TMEM163: variants seen among roughly 807,000 people sequenced by gnomAD.
The protein encoded by TMEM163 is transmembrane protein 163.
Under a neutral mutation model 29.3 loss-of-function variants are expected in TMEM163, and 17 were observed. The ratio of observed to expected loss-of-function variants is 0.58; its 90% confidence interval spans 0.40 to 0.87. The LOEUF (loss-of-function observed/expected upper bound fraction) is 0.87, where lower values mean the gene tolerates loss of function less well. TMEM163 is among the 40% of genes least tolerant of loss of function. The pLI, the probability that TMEM163 is intolerant of heterozygous loss-of-function variation, is 0.00. For synonymous variants in TMEM163, 157 were observed against 160.6 expected (o/e 0.98, Z 0.17); for missense variants, 303 against 381.5 (o/e 0.79, Z 1.71).
intron 1 of TMEM163, 155 bp from the exon 2 acceptor site, chr2:134,713,474 A>T: frequency 8.9e-7 from 1 of 1,117,686 alleles, no homozygotes; most frequent in South Asian, 1.3e-5. Flanking sequence ...ATTAGATTTC[A>T]CATGAAAATC....
Position 134,502,921 on chromosome 2 carries a change from T to TTC in TMEM163, c.534_535insGA (p.Thr179GlufsTer18). ...CTTACCACTTCTGGGAGCAGCCTAG[T>TTC]TGAGAGGTCATGGATGGCTTTGACC... is the stretch of plus-strand genomic sequence containing the variant. On this transcript the variant is annotated frameshift_variant, in exon 5 of 8. Transcript: ENST00000281924. LOFTEE classifies it high-confidence loss of function. 3 of 1,613,882 alleles carry TTC rather than the reference T, an allele frequency of 1.9e-6. No individual in the cohort carries two copies. In the South Asian group the frequency reaches 3.3e-5, roughly 18 times the overall value.
chr2:134,457,206 T>C (rs1005370840), intron 7 of TMEM163, among the ~76,000 whole-genome samples: 1 of 152,218 alleles, frequency 6.6e-6, no homozygotes, highest in Admixed American at 6.5e-5. Context: ...GACAATTGTG[T>C]TGCTTCTGCG....
chr2:134,593,563 C>T (rs1161682939), intron 2 of TMEM163, among the ~76,000 whole-genome samples: 1 of 152,106 alleles, frequency 6.6e-6, no homozygotes, highest in Non-Finnish European at 1.5e-5. Context: ...GATGAAAAGC[C>T]TTCTATGTTC....
chr2:134,571,742 A>G (rs1427926059), intron 2 of TMEM163, among the ~76,000 whole-genome samples: 1 of 152,238 alleles, frequency 6.6e-6, no homozygotes, highest in African/African-American at 2.4e-5. Context: ...CACAGAAGGC[A>G]TATTTAATTC....
intron 5 of TMEM163, among the ~76,000 whole-genome samples, chr2:134,501,347 T>C (rs1457976548): frequency 6.6e-6 from 1 of 152,156 alleles, no homozygotes; most frequent in African/African-American, 2.4e-5. Flanking sequence ...AATAACAGAT[T>C]GCTCCCAGTT....
chr2:134,699,707 G>A (rs1684655800), intron 2 of TMEM163, among the ~76,000 whole-genome samples: 1 of 152,002 alleles, frequency 6.6e-6, no homozygotes, highest in African/African-American at 2.4e-5. Flanking sequence ...AGTAAAAGAG[G>A]TGCATTAAAG....
At position 134,679,693 on chromosome 2, in the gene TMEM163, C is replaced by T. The variant is rs376667365; in HGVS notation, c.322+33507G>A. On this transcript the variant is annotated intron_variant, in intron 2 of 7. Coordinates refer to ENST00000281924, the MANE Select transcript of TMEM163 (RefSeq NM_030923.5). Reference sequence around the variant, plus strand: ...AGGACTTAAGATAGGGATAACTAAACCCATTCTACAAATGACCAAAGAGAC... The same window carrying T: ...AGGACTTAAGATAGGGATAACTAAATCCATTCTACAAATGACCAAAGAGAC... Among the ~76,000 whole-genome samples, 57 of 152,338 alleles carry T rather than the reference C, an allele frequency of 3.7e-4. No individual in the cohort carries two copies. In the East Asian group the frequency reaches 6.9e-3, roughly 19 times the overall value.
intron 2 of TMEM163, among the ~76,000 whole-genome samples, chr2:134,566,774 G>A (rs902226677): frequency 1.3e-5 from 2 of 152,134 alleles, no homozygotes; most frequent in Admixed American, 1.3e-4. Flanking sequence ...ACATACAGGA[G>A]TGTTTATTAC....
chr2:134,633,010 G>A (rs139551420), intron 2 of TMEM163, among the ~76,000 whole-genome samples: 6,812 of 150,142 alleles, frequency 0.045, 517 homozygotes, highest in African/African-American at 0.16. Context: ...CGCCTGCCTC[G>A]GCCTCCCAAA....
rs188256295 is a variant in TMEM163 at position 134,516,557 on chromosome 2, T to A, written c.459-13560A>T. On this transcript the variant is annotated intron_variant, in intron 4 of 7. Coordinates refer to ENST00000281924, the MANE Select transcript of TMEM163 (RefSeq NM_030923.5). ...GCCTGGGCAACAGAACAAGACCCTG[T>A]CTCAAAAATAAATAAATATATATAT... Among the ~76,000 whole-genome samples the A allele has an allele frequency of 3.4e-3, 507 of 150,590 alleles. 8 individuals are homozygous for A. The highest frequency in any genetic ancestry group is 0.012 in the African/African-American group (483 of 41,076).
chr2:134,715,780 A>G (rs1685025960), intron 1 of TMEM163, among the ~76,000 whole-genome samples: 1 of 152,232 alleles, frequency 6.6e-6, no homozygotes, highest in Non-Finnish European at 1.5e-5. Flanking sequence ...AGCCAGGCTG[A>G]AGAGACAGGA....
intron 2 of TMEM163, among the ~76,000 whole-genome samples, chr2:134,617,044 G>A (rs1010848847): frequency 7.9e-5 from 12 of 152,078 alleles, no homozygotes; most frequent in African/African-American, 2.7e-4. Flanking sequence ...ATAAAAGACT[G>A]TATGAACATA....
At chr2:134,672,827 T>A (rs1474000604) in intron 2 of TMEM163, among the ~76,000 whole-genome samples, 1 of 152,040 alleles carries the variant, frequency 6.6e-6, no homozygotes, top group South Asian at 2.1e-4. Context: ...ATCATCCAAG[T>A]TCCATCAATT....
chr2:134,665,774 G>A (rs779575067), intron 2 of TMEM163, among the ~76,000 whole-genome samples: 6 of 152,030 alleles, frequency 3.9e-5, no homozygotes, highest in Non-Finnish European at 7.4e-5. Context: ...CAGCCTCTCC[G>A]GACCTCAGCA....
At chr2:134,684,506 T>C (rs1458385092) in intron 2 of TMEM163, among the ~76,000 whole-genome samples, 2 of 152,106 alleles carry the variant, frequency 1.3e-5, no homozygotes, top group East Asian at 1.9e-4. Flanking sequence ...GGGAACCCCA[T>C]GAGCAAGGGG....
rs1015773716 is a variant in TMEM163, at chr2:134,455,894, C to T, written c.*822G>A. 11 of 152,524 alleles carry T rather than the reference C, an allele frequency of 7.2e-5. No homozygotes were observed. 9.4% of individuals were successfully genotyped at this position (152,524 alleles called of 1,614,324 possible). A position where few individuals can be genotyped will look rare whatever the true frequency, so the allele number is the denominator to read the frequency against. On this transcript the variant is annotated 3_prime_UTR_variant, in exon 8 of 8. Coordinates refer to ENST00000281924, the MANE Select transcript of TMEM163 (RefSeq NM_030923.5). The stretch of plus-strand genomic sequence containing the variant: ...AACCTACCGTGACATCAGCTGAGAA[C>T]GTCTTGTTCCTTACAGAGGGAGCGA...
chr2:134,640,645 A>G (rs942418474), intron 2 of TMEM163, among the ~76,000 whole-genome samples: 2 of 152,172 alleles, frequency 1.3e-5, no homozygotes, highest in African/African-American at 4.8e-5. Flanking sequence ...ACCCACGGGA[A>G]AAGACACGCC....
chr2:134,582,412 G>A (rs1438732815), intron 2 of TMEM163, among the ~76,000 whole-genome samples: 2 of 152,188 alleles, frequency 1.3e-5, no homozygotes, highest in African/African-American at 4.8e-5. Context: ...TTTGCAAGAG[G>A]TTGCAGTTCT....
At chr2:134,552,861 T>C (rs1480646920) in intron 2 of TMEM163, among the ~76,000 whole-genome samples, 2 of 151,826 alleles carry the variant, frequency 1.3e-5, no homozygotes, top group African/African-American at 2.4e-5. Flanking sequence ...GGTTTTTCCA[T>C]GTTGGCCAGG....
Sources: allele counts gnomAD v4.1 joint callset (sites outside exome capture counted in the v4.1 genomes callset), GRCh38; gene constraint gnomAD v4.1.1; transcripts MANE v1.5; gene names NCBI Gene and HGNC (gene_info 2026-07-23, HGNC 2026-07-21).